MDGA2: variants seen among roughly 807,000 people sequenced by gnomAD.
MDGA2 encodes the protein MAM domain-containing glycosylphosphatidylinositol anchor protein 2.
MDGA2 carries 40 observed loss-of-function variants against 117.8 expected under a neutral mutation model. The ratio of observed to expected loss-of-function variants is 0.34; its 90% confidence interval spans 0.26 to 0.44. The LOEUF (loss-of-function observed/expected upper bound fraction) is 0.44. MDGA2 is among the 20% of genes least tolerant of loss of function. The pLI is 1.00. For synonymous variants in MDGA2, 452 were observed against 439.0 expected, an observed-to-expected ratio of 1.03 and a Z score of -0.37; for missense variants, 1,123 against 1,250.6, an observed-to-expected ratio of 0.90 and a Z score of 1.54.
chr14:46,938,863 A>C (rs1463178416), intron 9 of MDGA2, among the ~76,000 whole-genome samples: 1 of 152,214 alleles, frequency 6.6e-6, no homozygotes, highest in Non-Finnish European at 1.5e-5. Context: ...AATCAACCTT[A>C]GTATCCATTA....
intron 1 of MDGA2, among the ~76,000 whole-genome samples, chr14:47,380,254 C>T (rs927693846): frequency 6.6e-6 from 1 of 152,066 alleles, no homozygotes; most frequent in African/African-American, 2.4e-5. Context: ...ACTAAATGCC[C>T]ACAAGAGAAA....
At chr14:47,372,093 C>G (rs1891372459) in intron 1 of MDGA2, among the ~76,000 whole-genome samples, 2 of 151,454 alleles carry the variant, frequency 1.3e-5, no homozygotes, top group South Asian at 4.2e-4. Context: ...TACTGAATAC[C>G]TTAGAAACAT....
rs139639580 is a variant in MDGA2, at chr14:47,641,712, T to G, written c.280+32805A>C. Among the ~76,000 whole-genome samples the G allele has an allele frequency of 6.0e-3, 919 of 152,278 alleles. 11 individuals carry two copies. The highest frequency in any genetic ancestry group is 0.021 in the African/African-American group (863 of 41,576). The stretch of plus-strand genomic sequence containing the variant: ...TAGAATATATTTTAGGTTGAACATT[T>G]GTGATAACACAATTTGATATTAAAT... On this transcript the variant is annotated intron_variant, in intron 1 of 16. Transcript: ENST00000399232.
chr14:47,075,321 C>T (rs1890451437), intron 6 of MDGA2, among the ~76,000 whole-genome samples: 1 of 152,212 alleles, frequency 6.6e-6, no homozygotes, highest in Non-Finnish European at 1.5e-5. Flanking sequence ...TCTTCCTGAG[C>T]ACCCTCACTT....
chr14:46,867,592 C>T (rs988767395), intron 14 of MDGA2, among the ~76,000 whole-genome samples: 1 of 151,976 alleles, frequency 6.6e-6, no homozygotes, highest in Non-Finnish European at 1.5e-5. Flanking sequence ...AGATTCTTTA[C>T]ATTCCTTCTC....
At chr14:47,517,624 A>G (rs375763258) in intron 1 of MDGA2, among the ~76,000 whole-genome samples, 1 of 152,108 alleles carries the variant, frequency 6.6e-6, no homozygotes. Flanking sequence ...GTACTCTTAG[A>G]TTCTCCCATG....
intron 1 of MDGA2, among the ~76,000 whole-genome samples, chr14:47,429,011 G>A (rs2138522291): frequency 6.6e-6 from 1 of 152,120 alleles, no homozygotes; most frequent in East Asian, 1.9e-4. Flanking sequence ...GATCGCTTGA[G>A]GTCAGAAGTT....
At chr14:47,305,649 G>A (rs72683803) in intron 1 of MDGA2, among the ~76,000 whole-genome samples, 13,636 of 152,138 alleles carry the variant, frequency 0.09, 739 homozygotes, top group Non-Finnish European at 0.11. Flanking sequence ...ACTTTCAAGC[G>A]TATATTTATT....
rs930981278 is a variant in MDGA2 at position 47,052,589 on chromosome 14, C to T, written c.1525+8660G>A. On this transcript the variant is annotated intron_variant, in intron 7 of 16. Coordinates refer to ENST00000399232, the MANE Select transcript of MDGA2 (RefSeq NM_001113498.3). Reference sequence around the variant, plus strand: ...AACAATTACAGGAAATAATAGAATACTCTCCATTTTTATATTTATGTCCCT... The same window carrying T: ...AACAATTACAGGAAATAATAGAATATTCTCCATTTTTATATTTATGTCCCT... 1.4e-4 allele frequency among the ~76,000 whole-genome samples: 22 copies of T among 151,902 alleles called. 1 individual carries two copies. Among genetic ancestry groups the T allele is most frequent in the African/African-American group, 5.3e-4 (22 of 41,494 alleles).
chr14:46,961,001 T>C (rs541669477), intron 8 of MDGA2, among the ~76,000 whole-genome samples: 1 of 151,102 alleles, frequency 6.6e-6, no homozygotes, highest in South Asian at 2.1e-4. Context: ...TCCTTGTAGG[T>C]TGGCAGGCTT....
chr14:47,202,491 A>T (rs1885543742), intron 3 of MDGA2, among the ~76,000 whole-genome samples: 2 of 152,188 alleles, frequency 1.3e-5, no homozygotes, highest in South Asian at 4.1e-4. Context: ...TGTCAAAGAC[A>T]ACAATCCTTC....
At chr14:47,352,664 T>G (rs1566751089) in intron 1 of MDGA2, among the ~76,000 whole-genome samples, 1 of 152,208 alleles carries the variant, frequency 6.6e-6, no homozygotes, top group Non-Finnish European at 1.5e-5. Context: ...TTTTTGTAAA[T>G]CATAAGTTAC....
chr14:47,113,246 C>T (rs1027445005), intron 5 of MDGA2, among the ~76,000 whole-genome samples: 4 of 151,802 alleles, frequency 2.6e-5, no homozygotes, highest in Admixed American at 2.6e-4. Context: ...ACACATGCAC[C>T]CTCCCAAGTT....
rs1881242408 is a variant in MDGA2 at position 46,855,677 on chromosome 14, T to TA, written c.2753-524dup. ...GATTTTAGGCCCAGAATGCTTTTTT[T>TA]AAATTTCTGTTCTCCAGAATGATAA... On this transcript the variant is annotated intron_variant, in intron 14 of 16. Coordinates refer to ENST00000399232, the MANE Select transcript of MDGA2 (RefSeq NM_001113498.3). The surrounding 1 kb of genome is among the most constrained non-coding windows in gnomAD (Gnocchi z 4.1). Among the ~76,000 whole-genome samples, 1 of 152,186 alleles carries TA rather than the reference T, an allele frequency of 6.6e-6. No homozygotes were observed. The highest frequency in any genetic ancestry group is 1.5e-5 in the Non-Finnish European group (1 of 68,034).
intron 6 of MDGA2, among the ~76,000 whole-genome samples, chr14:47,068,620 A>G (rs1279743663): frequency 6.6e-6 from 1 of 151,942 alleles, no homozygotes; most frequent in Non-Finnish European, 1.5e-5. Flanking sequence ...TTTTCTATCA[A>G]ATTTAATAAT....
At chr14:47,428,003 G>A (rs1343077686) in intron 1 of MDGA2, among the ~76,000 whole-genome samples, 1 of 152,118 alleles carries the variant, frequency 6.6e-6, no homozygotes, top group East Asian at 1.9e-4. Context: ...TTTCACTAAA[G>A]CACATTTATT....
chr14:47,334,513 G>C (rs995186400), intron 1 of MDGA2, among the ~76,000 whole-genome samples: 1 of 151,882 alleles, frequency 6.6e-6, no homozygotes, highest in African/African-American at 2.4e-5. Flanking sequence ...CCACAGGATT[G>C]TTCAGACCAT....
chr14:47,257,130 T>C (rs1887647500), intron 2 of MDGA2, among the ~76,000 whole-genome samples: 1 of 152,140 alleles, frequency 6.6e-6, no homozygotes, highest in Non-Finnish European at 1.5e-5. Context: ...TACTCCTCTG[T>C]TCAAAGCACT....
chr14:47,619,314 T>C (rs1366525829), intron 1 of MDGA2, among the ~76,000 whole-genome samples: 1 of 152,196 alleles, frequency 6.6e-6, no homozygotes, highest in African/African-American at 2.4e-5. Context: ...AAAATTGTAC[T>C]CTTTATGGTA....
Sources: allele counts gnomAD v4.1 joint callset (sites outside exome capture counted in the v4.1 genomes callset), GRCh38; gene constraint gnomAD v4.1.1; non-coding constraint Gnocchi (gnomAD v3.1); transcripts MANE v1.5; gene names NCBI Gene and HGNC (gene_info 2026-07-23, HGNC 2026-07-21).